The following TTN variants were observed in gnomAD, a reference collection of about 807,000 sequenced individuals.
The protein encoded by TTN is connectin.
Under a neutral mutation model 3,223.0 loss-of-function variants are expected in TTN, and 1,525 were observed. That is an observed-to-expected ratio of 0.47 (90% CI 0.45 to 0.49). TTN has a LOEUF of 0.49. TTN is among the 20% of genes least tolerant of loss of function. The pLI is 0.00. For missense variants in TTN, 40,786 were observed against 43,424.0 expected (o/e 0.94, Z 5.40); for synonymous variants, 14,094 against 15,161.0 (o/e 0.93, Z 5.17).
At chr2:178,595,292 AAAAAC>A (rs1473909431) in intron 295 of TTN, among the ~76,000 whole-genome samples, 1 of 152,060 alleles carries the variant, frequency 6.6e-6, no homozygotes, top group African/African-American at 2.4e-5. Context: ...AAAGAAAAAA[AAAAAC>A]AAAAAGAAAT....
intron 296 of TTN, 49 bp downstream of exon 296, chr2:178,594,295 A>G: frequency 2.5e-6 from 4 of 1,594,340 alleles, no homozygotes; most frequent in South Asian, 1.1e-5. Flanking sequence ...CTTATTACAA[A>G]TCTACAAATG....
At chr2:178,713,034 A>T in intron 93 of TTN, 51 bp downstream of exon 93, 1 of 1,605,216 alleles carries the variant, frequency 6.2e-7, no homozygotes, top group Non-Finnish European at 8.5e-7. Flanking sequence ...TATGACAAAC[A>T]TGCTTAATAA....
Position 178,731,188 on chromosome 2 carries a change from G to A in TTN, c.17477C>T (p.Thr5826Ile). Residue 5826 changes from threonine (T) to isoleucine (I), a missense_variant, in exon 60 of 363, where the codon ACC becomes ATC. Thr to Ile is a moderately conservative substitution (Grantham distance 89, BLOSUM62 -1). Transcript: ENST00000589042. ...LLSVKEPATI[T>I]EEAVSIDVTQ... The stretch of plus-strand genomic sequence containing the variant: ...GACATCTATAGACACAGCTTCCTCG[G>A]TGATTGTTGCAGGTTCTGTAGAAAA... The A allele has an allele frequency of 6.2e-7, 1 of 1,613,168 alleles. No individual in the cohort carries two copies.
Position 178,563,440 on chromosome 2 carries a change from C to T in TTN, c.82692G>A (p.Ala27564=), listed in dbSNP as rs557628408. The part of the protein sequence containing the change: ...EPSEPSVFYR[A]CDALYPPGPP... The stretch of plus-strand genomic sequence containing the variant: ...GACCTGGTGGATACAAGGCATCACA[C>T]GCACGGTAGAAAACAGATGGCTCAC... Residue 27564 remains alanine, a synonymous_variant, in exon 326 of 363, where the codon GCG becomes GCA. Coordinates refer to ENST00000589042, the MANE Select transcript of TTN (RefSeq NM_001267550.2). This position sits in a 1 kb window ranked among gnomAD's most constrained non-coding sequence, Gnocchi z 4.5. 1.7e-4 allele frequency: 276 copies of T among 1,613,600 alleles called. 2 individuals are homozygous for T. The South Asian group carries it at 2.3e-3, about 13-fold the overall frequency.
intron 282 of TTN, among the ~76,000 whole-genome samples, chr2:178,603,099 A>G (rs1354843702): frequency 6.6e-6 from 1 of 152,002 alleles, no homozygotes; most frequent in Non-Finnish European, 1.5e-5. Flanking sequence ...ACAATTACAG[A>G]AATTCTTTTA....
rs1250844275 is a variant in TTN, at chr2:178,629,398, G to A, written c.44327C>T (p.Thr14776Ile). ...LLRPLKDVTV[T>I]AGETATFDCE... ...GTCGAAGGTGGCTGTTTCCCCTGCA[G>A]TCACGGTGACATCCTTTAAAGGCCT... The change falls in exon 240 of 363, where the codon ACT becomes ATT. Residue 14776 changes from threonine (T) to isoleucine (I), a missense_variant. Coordinates refer to ENST00000589042, the MANE Select transcript of TTN (RefSeq NM_001267550.2). 1.2e-6 allele frequency: 2 copies of A among 1,613,010 alleles called. No individual in the cohort carries two copies. The highest frequency in any genetic ancestry group is 1.7e-6 in the Non-Finnish European group (2 of 1,179,326).
At position 178,730,939 on chromosome 2, in the gene TTN, C is replaced by A. The variant is rs2080369871; in HGVS notation, c.17726G>T (p.Arg5909Ile). 1 of 1,604,500 alleles carries A rather than the reference C, an allele frequency of 6.2e-7. No homozygotes were observed. The highest frequency in any genetic ancestry group is 8.5e-7 in the Non-Finnish European group (1 of 1,174,596). ...NDVGRSSCKA[R>I]INVLDLIIPP... ...ACAATACCAACCTAATACATTAATT[C>A]TAGCCTTGCAGCTGCTCCTCCCAAC... is the stretch of plus-strand genomic sequence containing the variant. Residue 5909 changes from arginine (R) to isoleucine (I), a missense_variant, in exon 60 of 363, where the codon AGA becomes ATA. Arg to Ile is a moderately conservative substitution (Grantham distance 97). Transcript: ENST00000589042.
chr2:178,628,307 T>C lies in TTN; in HGVS notation c.44424+994A>G, dbSNP rs149979306. On this transcript the variant is annotated intron_variant, in intron 240 of 362. Transcript: ENST00000589042. ...GTTAAACTGAATCACTTTTTAATTA[T>C]ATTCCTTTAAGTCTTCAAAGTTTGA... Among the ~76,000 whole-genome samples the C allele has an allele frequency of 1.7e-3, 257 of 152,234 alleles. 2 individuals are homozygous for C. The East Asian group carries it at 0.023, about 14-fold the overall frequency.
intron 219 of TTN, 61 bp from the exon 220 acceptor site, chr2:178,641,376 C>G: frequency 1.0e-6 from 1 of 986,456 alleles, no homozygotes; most frequent in Non-Finnish European, 1.5e-6. Context: ...GTTGAATAAG[C>G]TTGACAAATG....
rs2154160926 is a variant in TTN, at chr2:178,562,748, C to T, written c.83384G>A (p.Gly27795Glu). 6.2e-7 allele frequency: 1 copy of T among 1,611,956 alleles called. No individual in the cohort carries two copies. Among genetic ancestry groups the T allele is most frequent in the Non-Finnish European group, 8.5e-7 (1 of 1,178,824 alleles). Residue 27795 changes from glycine (G) to glutamate (E), a missense_variant, in exon 326 of 363, where the codon GGA (glycine) becomes GAA (glutamate). Transcript: ENST00000589042. Reference sequence around the variant, plus strand: ...GACAATGTAGTTTGTAATCTTAGCTCCACCATCAATAAGTGGTGGTTCCCA... The same window carrying T: ...GACAATGTAGTTTGTAATCTTAGCTTCACCATCAATAAGTGGTGGTTCCCA... ...LSWEPPLIDG[G>E]AKITNYIVEK...
chr2:178,665,853 T>A, intron 163 of TTN, 62 bp from the exon 164 acceptor site: 1 of 797,564 alleles, frequency 1.3e-6, no homozygotes, highest in Non-Finnish European at 1.7e-6. Flanking sequence ...GTTCCCATCT[T>A]AACTGCACAT....
chr2:178,757,230 A>ACTTACTT (rs1227467101), intron 45 of TTN, among the ~76,000 whole-genome samples: 54 of 16,124 alleles, frequency 3.3e-3, no homozygotes, highest in Middle Eastern at 0.031. Flanking sequence ...GTAAGTAATA[A>ACTTACTT]TCAGCAAATA....
At chr2:178,785,775 A>G (rs749406284) in intron 14 of TTN, 33 bp from the exon 15 acceptor site, 4 of 1,614,134 alleles carry the variant, frequency 2.5e-6, no homozygotes, top group Non-Finnish European at 3.4e-6. Flanking sequence ...GATACCATTG[A>G]TCACCAGATG....
Position 178,734,761 on chromosome 2 carries a change from C to T in TTN, c.15163G>A (p.Glu5055Lys). ...TCACTGCCGACGTCATTCACTGCTTCACATGAGTAACTCCCACTGTCTTCA... is the reference window on the plus strand; with the variant it reads ...TCACTGCCGACGTCATTCACTGCTTTACATGAGTAACTCCCACTGTCTTCA... The part of the protein sequence containing the change: ...KVEDSGSYSC[E>K]AVNDVGSDSC... The change falls in exon 51 of 363, where the codon GAA (glutamate) becomes AAA (lysine). Residue 5055 changes from glutamate to lysine, a missense_variant. Coordinates refer to ENST00000589042, the MANE Select transcript of TTN (RefSeq NM_001267550.2). The T allele has an allele frequency of 1.2e-6, 2 of 1,613,570 alleles. No individual in the cohort carries two copies. Among genetic ancestry groups the T allele is most frequent in the Non-Finnish European group, 1.7e-6 (2 of 1,179,598 alleles).
rs55898359 is a variant in TTN, at chr2:178,557,048, C to T, written c.88106G>A (p.Gly29369Asp). The T allele has an allele frequency of 3.1e-6, 5 of 1,613,738 alleles. No individual in the cohort carries two copies. In the Admixed American group the frequency reaches 8.3e-5, roughly 27 times the overall value. ...PAFDGGSKIT[G>D]YIVERRDLPD... The stretch of plus-strand genomic sequence containing the variant: ...AAGGTCACGTCTCTCAACAATGTAG[C>T]CTGTAATCTTGCTACCTCCATCGAA... Residue 29369 changes from glycine (G) to aspartate (D), a missense_variant, in exon 330 of 363, where the codon GGC becomes GAC. Coordinates refer to ENST00000589042, the MANE Select transcript of TTN (RefSeq NM_001267550.2).
At chr2:178,699,759 C>T (rs2074591419) in intron 111 of TTN, among the ~76,000 whole-genome samples, 1 of 116,368 alleles carries the variant, frequency 8.6e-6, no homozygotes, top group Non-Finnish European at 1.7e-5. Context: ...CGGAGTCTCA[C>T]TCTGTCACCC....
rs2154307365 is a variant in TTN, at chr2:178,729,544, C to T, written c.18612G>A (p.Glu6204=). ...KVKEPPTFIR[E]LKPVEVVKYS... Reference sequence around the variant, plus strand: ...ATTTTACTACCTCCACAGGCTTCAGCTCTCTGATAAAGGTGGGGGGTTCTA... The same window carrying T: ...ATTTTACTACCTCCACAGGCTTCAGTTCTCTGATAAAGGTGGGGGGTTCTA... The change falls in exon 64 of 363, where the codon GAG becomes GAA. Residue 6204 remains glutamate, a synonymous_variant. Transcript: ENST00000589042. 6.2e-7 allele frequency: 1 copy of T among 1,613,060 alleles called. No individual in the cohort carries two copies. Among genetic ancestry groups the T allele is most frequent in the Non-Finnish European group, 8.5e-7 (1 of 1,179,274 alleles).
In TTN at chr2:178,528,754, T is replaced by C; in HGVS notation, c.106997A>G (p.Gln35666Arg). 1 of 1,613,142 alleles carries C rather than the reference T, an allele frequency of 6.2e-7. No individual in the cohort carries two copies. The highest frequency in any genetic ancestry group is 8.5e-7 in the Non-Finnish European group (1 of 1,179,324). Residue 35666 changes from glutamine (Q) to arginine (R), a missense_variant, in exon 360 of 363, where the codon CAA becomes CGA. Coordinates refer to ENST00000589042, the MANE Select transcript of TTN (RefSeq NM_001267550.2). ...SGSDQTLTIK[Q>R]ASHRDEGILT... ...GATTCCTTCATCTCTGTGACTGGCT[T>C]GCTTGATGGTTAGGGTCTGATCGCT...
intron 282 of TTN, among the ~76,000 whole-genome samples, chr2:178,603,046 A>C (rs1261171958): frequency 6.6e-6 from 1 of 152,008 alleles, no homozygotes; most frequent in Non-Finnish European, 1.5e-5. Flanking sequence ...ATCAGTGTCT[A>C]CAATAATCCC....
Sources: allele counts gnomAD v4.1 joint callset (sites outside exome capture counted in the v4.1 genomes callset), GRCh38; gene constraint gnomAD v4.1.1; non-coding constraint Gnocchi (gnomAD v3.1); transcripts MANE v1.5; gene names NCBI Gene and HGNC (gene_info 2026-07-23, HGNC 2026-07-21).